FFAR4: variants seen among roughly 807,000 people sequenced by gnomAD.
The protein encoded by FFAR4 is free fatty acid receptor 4, also known as G-protein coupled receptor 120.
FFAR4 carries 19 observed loss-of-function variants against 27.0 expected under a neutral mutation model. The ratio of observed to expected loss-of-function variants is 0.70; its 90% CI spans 0.49 to 1.03. The LOEUF (loss-of-function observed/expected upper bound fraction) is 1.03. FFAR4 is among the 50% of genes least tolerant of loss of function. The pLI is 0.00. For synonymous variants in FFAR4, 254 were observed against 215.6 expected, an observed-to-expected ratio of 1.18 and a Z score of -1.56; for missense variants, 476 against 479.0, an observed-to-expected ratio of 0.99 and a Z score of 0.06.
chr10:93,582,707 A>T (rs999469689), intron 2 of FFAR4, among the ~76,000 whole-genome samples: 2 of 152,134 alleles, frequency 1.3e-5, no homozygotes, highest in Non-Finnish European at 2.9e-5. Flanking sequence ...AGGAACCTGT[A>T]GTCTGGTGGG....
chr10:93,567,108 G>T lies in FFAR4; in HGVS notation c.388G>T (p.Ala130Ser). The change falls in exon 1 of 3, where the codon GCC becomes TCC. Residue 130 changes from alanine (A) to serine (S), a missense_variant. Physicochemically the swap from Ala to Ser is moderately conservative, Grantham distance 99. Transcript: ENST00000371481. ...CGGCAGCGTCACCATCCTCACGCTG[G>T]CCGCGGTCAGCCTGGAGCGCATGGT... is the stretch of plus-strand genomic sequence containing the variant. ...LSGSVTILTL[A>S]AVSLERMVCI... 6.2e-7 allele frequency: 1 copy of T among 1,608,794 alleles called. No individual in the cohort carries two copies.
chr10:93,570,139 C>T (rs73327226), intron 1 of FFAR4, among the ~76,000 whole-genome samples: 1,596 of 151,682 alleles, frequency 0.011, 22 homozygotes, highest in African/African-American at 0.035. Flanking sequence ...TCTTTCCTAC[C>T]TGTCTGCCAC....
intron 1 of FFAR4, among the ~76,000 whole-genome samples, chr10:93,570,284 A>C (rs560093971): frequency 1.3e-5 from 2 of 151,840 alleles, no homozygotes; most frequent in Non-Finnish European, 2.9e-5. Flanking sequence ...GCCTGAATAC[A>C]TAGAAAACAT....
intron 1 of FFAR4, among the ~76,000 whole-genome samples, chr10:93,575,065 G>T (rs2058156003): frequency 6.6e-6 from 1 of 152,202 alleles, no homozygotes. Flanking sequence ...TCAAGTGAAT[G>T]AATGAATGAA....
Position 93,588,584 on chromosome 10 carries a change from A to G in FFAR4, c.*975A>G, listed in dbSNP as rs2058244472. 6.6e-6 allele frequency: 1 copy of G among 152,154 alleles called. No homozygotes were observed. Among genetic ancestry groups the G allele is most frequent in the South Asian group, 2.1e-4 (1 of 4,826 alleles). The allele number at this position is 152,154 out of a possible 1,614,324, so 9.4% of individuals were successfully genotyped here. A position where few individuals can be genotyped will look rare whatever the true frequency, so the allele number is the denominator to read the frequency against. ...GGCAGACAGTGTCCTTTGTGCTAGG[A>G]ATACAGTGGTGAACCAGACAGCCAT... On this transcript the variant is annotated 3_prime_UTR_variant, in exon 3 of 3. Coordinates refer to ENST00000371481, the MANE Select transcript of FFAR4 (RefSeq NM_001195755.2).
intron 1 of FFAR4, among the ~76,000 whole-genome samples, chr10:93,574,678 G>A (rs1362843429): frequency 6.6e-6 from 1 of 152,022 alleles, no homozygotes; most frequent in Non-Finnish European, 1.5e-5. Context: ...CACAAGGTCA[G>A]GAGATCGAGA....
At chr10:93,577,490 C>T (rs2065875) in intron 2 of FFAR4, among the ~76,000 whole-genome samples, 6,333 of 152,206 alleles carry the variant, frequency 0.042, 435 homozygotes, top group East Asian at 0.34. Flanking sequence ...AGACTCTTGC[C>T]CACCCAATGA....
intron 2 of FFAR4, among the ~76,000 whole-genome samples, chr10:93,580,927 C>T (rs142123829): frequency 1.3e-5 from 2 of 152,238 alleles, no homozygotes; most frequent in African/African-American, 4.8e-5. Context: ...AACCTCCCAG[C>T]GACTTCTAAG....
At chr10:93,579,048 C>G (rs2058183601) in intron 2 of FFAR4, 23 of 911,782 alleles carry the variant, frequency 2.5e-5, no homozygotes, top group Non-Finnish European at 4.2e-5. Flanking sequence ...ATTCTGAGAC[C>G]TGAGGAGTTG....
chr10:93,583,226 C>A (rs1309328167), intron 2 of FFAR4, among the ~76,000 whole-genome samples: 4 of 143,880 alleles, frequency 2.8e-5, no homozygotes, highest in Admixed American at 7.0e-5. Flanking sequence ...CACGGTGAAA[C>A]CCCGTCTCTA....
At chr10:93,567,433 G>A (rs2134536854) in intron 1 of FFAR4, 146 bp downstream of exon 1, 1 of 732,378 alleles carries the variant, frequency 1.4e-6, no homozygotes, top group East Asian at 2.8e-5. Context: ...GCCCATGGCT[G>A]TGAAGTTTAA....
intron 1 of FFAR4, among the ~76,000 whole-genome samples, chr10:93,571,239 C>T (rs1354201565): frequency 6.6e-6 from 1 of 152,264 alleles, no homozygotes; most frequent in South Asian, 2.1e-4. Flanking sequence ...TGACCCACAT[C>T]GGCAGGTGGA....
Position 93,567,243 on chromosome 10 carries a change from G to C in FFAR4, c.523G>C (p.Val175Leu). 6.2e-7 allele frequency: 1 copy of C among 1,601,136 alleles called. No individual in the cohort carries two copies. Among genetic ancestry groups the C allele is most frequent in the Non-Finnish European group, 8.5e-7 (1 of 1,179,704 alleles). The change falls in exon 1 of 3, where the codon GTC (valine) becomes CTC (leucine). Residue 175 changes from valine (V) to leucine (L), a missense_variant. Transcript: ENST00000371481. ...GGCGGTCGCCGCTCTGCCTCTCTGC[G>C]TCTTCTTCCGAGTCGTCCCGCAACG... ...YSAVAALPLC[V>L]FFRVVPQRLP... is the part of the protein sequence containing the mutation.
intron 2 of FFAR4, among the ~76,000 whole-genome samples, chr10:93,586,444 T>C (rs1268465144): frequency 6.6e-6 from 1 of 152,128 alleles, no homozygotes; most frequent in Non-Finnish European, 1.5e-5. Context: ...TATGTCCTTA[T>C]AGCAGCATGA....
At chr10:93,586,140 CTTGAA>C in intron 2 of FFAR4, among the ~76,000 whole-genome samples, 1 of 152,278 alleles carries the variant, frequency 6.6e-6, no homozygotes, top group South Asian at 2.1e-4. Context: ...TCCCCATAAT[CTTGAA>C]TTGTAGTTCC....
At chr10:93,568,388 C>A (rs922700149) in intron 1 of FFAR4, among the ~76,000 whole-genome samples, 4 of 152,290 alleles carry the variant, frequency 2.6e-5, no homozygotes, top group African/African-American at 9.6e-5. Flanking sequence ...CCCTTCCCTG[C>A]CGGGGTCACT....
At chr10:93,583,909 A>C (rs1564785315) in intron 2 of FFAR4, among the ~76,000 whole-genome samples, 1 of 152,244 alleles carries the variant, frequency 6.6e-6, no homozygotes, top group African/African-American at 2.4e-5. Flanking sequence ...ACACTACACC[A>C]GGGACCCTGG....
intron 1 of FFAR4, among the ~76,000 whole-genome samples, chr10:93,570,627 A>G (rs2058126694): frequency 6.6e-6 from 1 of 152,192 alleles, no homozygotes; most frequent in African/African-American, 2.4e-5. Context: ...GCGCTGGCCA[A>G]GGAAACTGCC....
chr10:93,579,942 A>G (rs2058188688), intron 2 of FFAR4, among the ~76,000 whole-genome samples: 2 of 152,252 alleles, frequency 1.3e-5, no homozygotes, highest in South Asian at 4.1e-4. Context: ...AGATATGATA[A>G]TGTTTTAAAA....
Sources: allele counts gnomAD v4.1 joint callset (sites outside exome capture counted in the v4.1 genomes callset), GRCh38; gene constraint gnomAD v4.1.1; transcripts MANE v1.5; gene names NCBI Gene and HGNC (gene_info 2026-07-23, HGNC 2026-07-21).